The following TEK variants were observed in gnomAD, a reference collection of about 807,000 sequenced individuals.
The protein encoded by TEK is TEK receptor tyrosine kinase, also known as angiopoietin-1 receptor.
A neutral mutation model predicts 131.8 loss-of-function variants in TEK; 43 were observed. The ratio of observed to expected loss-of-function variants is 0.33; its 90% CI spans 0.26 to 0.42. The LOEUF is 0.42. Ranked by LOEUF, TEK falls within the 10% of genes least tolerant of loss-of-function variation. TEK has a pLI of 1.00. For missense variants in TEK, 1,162 were observed against 1,384.4 expected (o/e 0.84, Z 2.55); for synonymous variants, 580 against 491.6 (o/e 1.18, Z -2.38).
chr9:27,190,463 C>G, intron 9 of TEK, 66 bp from the exon 10 acceptor site: 1 of 1,594,882 alleles, frequency 6.3e-7, no homozygotes, highest in Non-Finnish European at 8.6e-7. Context: ...TCTTCTACCT[C>G]TACCTAAGAA....
At chr9:27,113,400 CCA>C (rs1387772433) in intron 1 of TEK, among the ~76,000 whole-genome samples, 9 of 152,150 alleles carry the variant, frequency 5.9e-5, no homozygotes, top group African/African-American at 2.2e-4. Context: ...ACCATCCTAG[CCA>C]ACATGGTGAA....
intron 1 of TEK, among the ~76,000 whole-genome samples, chr9:27,150,568 G>A (rs910020239): frequency 2.6e-5 from 4 of 152,064 alleles, no homozygotes; most frequent in African/African-American, 9.7e-5. Context: ...CAGTGACTGT[G>A]CCACTGCACT....
chr9:27,125,456 G>T (rs1821952463), intron 1 of TEK, among the ~76,000 whole-genome samples: 1 of 152,124 alleles, frequency 6.6e-6, no homozygotes, highest in Non-Finnish European at 1.5e-5. Context: ...TCTATTAGAG[G>T]CCCCCTTTTT....
At chr9:27,126,686 C>A (rs1564042362) in intron 1 of TEK, among the ~76,000 whole-genome samples, 1 of 152,148 alleles carries the variant, frequency 6.6e-6, no homozygotes, top group Admixed American at 6.5e-5. Context: ...CAATCAGGCT[C>A]CACTAACTGA....
intron 2 of TEK, among the ~76,000 whole-genome samples, chr9:27,161,963 T>C (rs1047848944): frequency 6.6e-6 from 1 of 152,218 alleles, no homozygotes; most frequent in Non-Finnish European, 1.5e-5. Flanking sequence ...TCCGACTCAA[T>C]TGTAGAAATT....
intron 4 of TEK, among the ~76,000 whole-genome samples, chr9:27,171,708 T>C (rs1410564337): frequency 6.6e-6 from 1 of 152,190 alleles, no homozygotes; most frequent in Non-Finnish European, 1.5e-5. Flanking sequence ...GCAGCCTTTT[T>C]GTAATATGAA....
rs1217204389 is a variant in TEK, at chr9:27,185,621, C to T, written c.1319C>T (p.Ser440Phe). The part of the protein sequence containing the change: ...AGMVEKPFNI[S>F]VKVLPKPLNA... ...ATGGTGGAAAAGCCCTTCAACATTT[C>T]TGTTAAAGGTAAGTTCATTTCCCAG... Residue 440 changes from serine to phenylalanine, a missense_variant, in exon 9 of 23, where the codon TCT (serine) becomes TTT (phenylalanine). Transcript: ENST00000380036. 1 of 1,613,608 alleles carries T rather than the reference C, an allele frequency of 6.2e-7. No individual in the cohort carries two copies. Among genetic ancestry groups the T allele is most frequent in the South Asian group, 1.1e-5 (1 of 91,076 alleles).
chr9:27,223,530 C>T (rs1024255450), intron 21 of TEK, among the ~76,000 whole-genome samples: 2 of 152,074 alleles, frequency 1.3e-5, no homozygotes, highest in African/African-American at 4.8e-5. Flanking sequence ...GGGTAAATAA[C>T]GAAATGAAGG....
chr9:27,212,948 A>G (rs966013557), intron 17 of TEK, 51 bp downstream of exon 17: 10 of 1,591,744 alleles, frequency 6.3e-6, no homozygotes, highest in Middle Eastern at 1.7e-4. Context: ...AGTTCCCTCT[A>G]AAGTCAGTTT....
At chr9:27,155,402 A>AT (rs1163270223) in intron 1 of TEK, among the ~76,000 whole-genome samples, 1 of 152,152 alleles carries the variant, frequency 6.6e-6, no homozygotes, top group Admixed American at 6.5e-5. Flanking sequence ...TCTAGTGGAG[A>AT]TTTTCTCCCT....
chr9:27,190,992 G>A lies in TEK; in HGVS notation c.1489+302G>A, dbSNP rs550636974. Among the ~76,000 whole-genome samples the A allele has an allele frequency of 2.0e-5, 3 of 152,232 alleles. No individual in the cohort carries two copies. The South Asian group carries it at 6.2e-4, about 32-fold the overall frequency. On this transcript the variant is annotated intron_variant, in intron 10 of 22. Coordinates refer to ENST00000380036, the MANE Select transcript of TEK (RefSeq NM_000459.5). ...GTTTTTAGTTATTCTATCTTGGCTG[G>A]TCATGGGGAAAGGCACTTGTTTATG...
chr9:27,173,294 T>C lies in TEK; in HGVS notation c.833T>C (p.Val278Ala), dbSNP rs1824034989. 2 of 1,613,984 alleles carry C rather than the reference T, an allele frequency of 1.2e-6. No individual in the cohort carries two copies. Among genetic ancestry groups the C allele is most frequent in the African/African-American group, 1.3e-5 (1 of 74,930 alleles). ...CSGQEGCKSY[V>A]FCLPDPYGCS... Reference sequence around the variant, plus strand: ...GGACAAGAGGGATGCAAGTCTTATGTGTTCTGTCTCCCTGACCCCTATGGG... The same window carrying C: ...GGACAAGAGGGATGCAAGTCTTATGCGTTCTGTCTCCCTGACCCCTATGGG... The change falls in exon 6 of 23, where the codon GTG (valine) becomes GCG (alanine). Residue 278 changes from valine to alanine, a missense_variant. Val to Ala is a moderately conservative substitution (Grantham distance 64). Coordinates refer to ENST00000380036, the MANE Select transcript of TEK (RefSeq NM_000459.5).
Position 27,172,362 on chromosome 9 carries a change from C to A in TEK, c.629-254C>A, listed in dbSNP as rs1033634156. 3.3e-5 allele frequency among the ~76,000 whole-genome samples: 5 copies of A among 152,290 alleles called. No individual in the cohort carries two copies. The East Asian group carries it at 9.6e-4, about 29-fold the overall frequency. ...GCAGATTCAGCTTGCATACCATATC[C>A]TCTGGGAAGCCTTCCTTTATGCCCT... On this transcript the variant is annotated intron_variant, in intron 4 of 22. Transcript: ENST00000380036.
At chr9:27,211,340 T>C (rs1825621213) in intron 16 of TEK, among the ~76,000 whole-genome samples, 1 of 149,894 alleles carries the variant, frequency 6.7e-6, no homozygotes, top group South Asian at 2.1e-4. Flanking sequence ...ATGTATACCA[T>C]AATTTAGGTC....
At chr9:27,203,988 G>C (rs897214853) in intron 13 of TEK, among the ~76,000 whole-genome samples, 2 of 152,330 alleles carry the variant, frequency 1.3e-5, no homozygotes, top group South Asian at 4.1e-4. Context: ...AAGGAATGAA[G>C]AGTCTGCCAA....
At chr9:27,125,161 G>A (rs908985214) in intron 1 of TEK, among the ~76,000 whole-genome samples, 3 of 152,214 alleles carry the variant, frequency 2.0e-5, no homozygotes, top group African/African-American at 7.2e-5. Flanking sequence ...GCCAAGAGAT[G>A]TGGAGCTGGA....
chr9:27,188,213 G>C (rs1296044193), intron 9 of TEK, among the ~76,000 whole-genome samples: 1 of 152,164 alleles, frequency 6.6e-6, no homozygotes, highest in East Asian at 1.9e-4. Context: ...ATATTGACTG[G>C]AAAAGGGCAC....
At chr9:27,126,952 C>T (rs1303914743) in intron 1 of TEK, among the ~76,000 whole-genome samples, 1 of 152,102 alleles carries the variant, frequency 6.6e-6, no homozygotes, top group Non-Finnish European at 1.5e-5. Flanking sequence ...GATGCAACTC[C>T]GTGATGTTAG....
At chr9:27,178,645 A>G (rs1824255110) in intron 6 of TEK, among the ~76,000 whole-genome samples, 1 of 152,182 alleles carries the variant, frequency 6.6e-6, no homozygotes, top group South Asian at 2.1e-4. Context: ...AAGCTTTTGC[A>G]TTAATTTTTG....
Sources: gnomAD v4.1 joint callset for allele counts (sites outside exome capture counted in the v4.1 genomes callset) on GRCh38, gnomAD v4.1.1 for gene constraint, MANE v1.5 for transcripts, NCBI Gene and HGNC (gene_info 2026-07-23, HGNC 2026-07-21) for gene names.